Variants in STK3 observed in about 807,000 individuals in gnomAD.
STK3 encodes the protein serine/threonine kinase 3, also known as serine/threonine-protein kinase 3.
Under a neutral mutation model 58.0 loss-of-function variants are expected in STK3, and 41 were observed. The observed-to-expected ratio is 0.71, with a 90% CI of 0.55 to 0.92. STK3 has a LOEUF of 0.92. Ranked by LOEUF, STK3 falls within the 40% of genes least tolerant of loss-of-function variation. The pLI is 0.00. For missense variants in STK3, 479 were observed against 602.7 expected, an observed-to-expected ratio of 0.79 and a Z score of 2.15; for synonymous variants, 170 against 191.0, an observed-to-expected ratio of 0.89 and a Z score of 0.91.
rs778282146 is a variant in STK3, at chr8:98,428,238, A to G, written n.483+5889T>C. The G allele has an allele frequency of 6.2e-7, 1 of 1,614,036 alleles. No homozygotes were observed. The highest frequency in any genetic ancestry group is 1.1e-5 in the South Asian group (1 of 91,080). ...CCCCTACGTGCTGCATTTCTATCAC[A>G]CCGGCAAGCTTCACGTCATGGCTGA... On this transcript the variant is annotated intron_variant and non_coding_transcript_variant, in intron 3 of 3. Coordinates refer to the STK3 transcript ENST00000517832. The surrounding 1 kb of genome is among the most constrained non-coding windows in gnomAD (Gnocchi z 6.7).
chr8:98,514,402 T>C (rs1586750999), intron 10 of STK3, among the ~76,000 whole-genome samples: 1 of 151,998 alleles, frequency 6.6e-6, no homozygotes, highest in Admixed American at 6.6e-5. Context: ...TGCCAATGAG[T>C]TGTAACTGTT....
At chr8:98,476,468 G>A (rs1414104122) in intron 10 of STK3, among the ~76,000 whole-genome samples, 1 of 152,128 alleles carries the variant, frequency 6.6e-6, no homozygotes, top group East Asian at 2.0e-4. Flanking sequence ...ATGGGTAAAT[G>A]TTCTGGCTCT....
chr8:98,552,888 T>C (rs1811289776), intron 8 of STK3, among the ~76,000 whole-genome samples: 1 of 152,166 alleles, frequency 6.6e-6, no homozygotes, highest in Non-Finnish European at 1.5e-5. Flanking sequence ...GTACATCAAG[T>C]AGTACACCAG....
At chr8:98,742,456 C>G (rs1271911480) in intron 4 of STK3, among the ~76,000 whole-genome samples, 1 of 122,564 alleles carries the variant, frequency 8.2e-6, no homozygotes, top group Non-Finnish European at 1.7e-5. Context: ...TAATCCATCA[C>G]GTAAACAGAA....
intron 10 of STK3, among the ~76,000 whole-genome samples, chr8:98,478,269 C>G (rs1821536772): frequency 6.6e-6 from 1 of 152,166 alleles, no homozygotes; most frequent in African/African-American, 2.4e-5. Context: ...AGTACTCAAA[C>G]TCTTTTTCTT....
chr8:98,667,780 A>G (rs771143652), intron 6 of STK3, among the ~76,000 whole-genome samples: 4 of 152,076 alleles, frequency 2.6e-5, no homozygotes, highest in Non-Finnish European at 4.4e-5. Context: ...AATTAGTAAC[A>G]TGACAATCAT....
At chr8:98,444,699 T>C (rs1818861480) in intron 1 of STK3, among the ~76,000 whole-genome samples, 1 of 152,188 alleles carries the variant, frequency 6.6e-6, no homozygotes, top group African/African-American at 2.4e-5. Context: ...GAATGGCGTT[T>C]GGTCATGTTG....
At chr8:98,675,857 C>G (rs1237215137) in intron 6 of STK3, among the ~76,000 whole-genome samples, 2 of 151,094 alleles carry the variant, frequency 1.3e-5, no homozygotes, top group Non-Finnish European at 2.9e-5. Flanking sequence ...GAGCGAGACT[C>G]TGTCTCAAAA....
At chr8:98,599,900 G>A (rs1376597402) in intron 6 of STK3, among the ~76,000 whole-genome samples, 1 of 152,048 alleles carries the variant, frequency 6.6e-6, no homozygotes, top group Non-Finnish European at 1.5e-5. Context: ...CCTGGGAGAT[G>A]GAGGTTACAA....
At chr8:98,534,179 A>C (rs1458773192) in intron 9 of STK3, among the ~76,000 whole-genome samples, 3 of 152,340 alleles carry the variant, frequency 2.0e-5, no homozygotes, top group African/African-American at 7.2e-5. Context: ...GACTCTCAAC[A>C]CAACTGTTTA....
At chr8:98,378,296 T>C (rs1357575581) in intron 2 of STK3, among the ~76,000 whole-genome samples, 1 of 152,198 alleles carries the variant, frequency 6.6e-6, no homozygotes, top group African/African-American at 2.4e-5. Context: ...CCTCCAGCAC[T>C]TGGCTTCTTG....
At chr8:98,411,251 T>C (rs999876706) in intron 3 of STK3, among the ~76,000 whole-genome samples, 1 of 152,254 alleles carries the variant, frequency 6.6e-6, no homozygotes, top group African/African-American at 2.4e-5. Flanking sequence ...CTCTAACTGC[T>C]CTTCTCATGA....
At chr8:98,718,368 G>A (rs1381006637) in intron 4 of STK3, among the ~76,000 whole-genome samples, 1 of 152,130 alleles carries the variant, frequency 6.6e-6, no homozygotes, top group Non-Finnish European at 1.5e-5. Context: ...GCAAGGACCA[G>A]ATCATGTAAG....
chr8:98,790,679 A>T (rs1249598839), intron 1 of STK3, among the ~76,000 whole-genome samples: 1 of 152,176 alleles, frequency 6.6e-6, no homozygotes, highest in African/African-American at 2.4e-5. Flanking sequence ...CACTTAGACA[A>T]GAGAAAGAAA....
intron 6 of STK3, among the ~76,000 whole-genome samples, chr8:98,690,015 C>T (rs72666684): frequency 0.029 from 4,410 of 152,164 alleles, 97 homozygotes; most frequent in South Asian, 0.061. Context: ...TAAAAATCCA[C>T]AACAAACTTG....
intron 4 of STK3, among the ~76,000 whole-genome samples, chr8:98,748,446 T>C (rs1829774747): frequency 6.6e-6 from 1 of 152,094 alleles, no homozygotes; most frequent in African/African-American, 2.4e-5. Context: ...ATTAGTAAAA[T>C]AAACTTACAG....
upstream of STK3, among the ~76,000 whole-genome samples, chr8:98,830,076 A>C (rs1324612927): frequency 6.6e-6 from 1 of 152,108 alleles, no homozygotes; most frequent in East Asian, 1.9e-4. Flanking sequence ...AAAAAATACA[A>C]AAATTAGCTG....
At chr8:98,555,973 A>T (rs1168441426) in intron 8 of STK3, among the ~76,000 whole-genome samples, 1 of 152,090 alleles carries the variant, frequency 6.6e-6, no homozygotes, top group Non-Finnish European at 1.5e-5. Context: ...CCAAAGTAGA[A>T]ATGAAACCTC....
Position 98,700,447 on chromosome 8 carries a change from G to A in STK3, c.684+6020C>T, listed in dbSNP as rs553774146. ...TCAGATGGAAATGCAGAAATCACCCGTCTTCTGCGTCGCTCACGCTGGGAG... is the reference window on the plus strand; with the variant it reads ...TCAGATGGAAATGCAGAAATCACCCATCTTCTGCGTCGCTCACGCTGGGAG... On this transcript the variant is annotated intron_variant, in intron 6 of 10. Coordinates refer to ENST00000419617, the MANE Select transcript of STK3 (RefSeq NM_006281.4). Among the ~76,000 whole-genome samples the A allele has an allele frequency of 5.7e-4, 87 of 152,310 alleles. 1 individual carries two copies. Among genetic ancestry groups the A allele is most frequent in the East Asian group, 2.1e-3 (11 of 5,178 alleles).
Sources: gnomAD v4.1 joint callset for allele counts (sites outside exome capture counted in the v4.1 genomes callset) on GRCh38, gnomAD v4.1.1 for gene constraint, Gnocchi (gnomAD v3.1) non-coding constraint, MANE v1.5 for transcripts, NCBI Gene and HGNC (gene_info 2026-07-23, HGNC 2026-07-21) for gene names.